C6orf58: variants seen among roughly 807,000 people sequenced by gnomAD.
The protein encoded by C6orf58 is protein LEG1 homolog.
C6orf58 carries 30 observed loss-of-function variants against 37.0 expected under a neutral mutation model. The ratio of observed to expected loss-of-function variants is 0.81; its 90% CI spans 0.61 to 1.10. The LOEUF is 1.10. Ranked by LOEUF, C6orf58 falls within the 50% of genes least tolerant of loss-of-function variation. C6orf58 has a pLI of 0.00. For synonymous variants in C6orf58, 143 were observed against 134.1 expected, an observed-to-expected ratio of 1.07 and a Z score of -0.46; for missense variants, 368 against 387.5, an observed-to-expected ratio of 0.95 and a Z score of 0.42.
In C6orf58 at chr6:127,577,330, A is replaced by G. The variant is rs548517988; in HGVS notation, c.145A>G (p.Met49Val). 6 of 1,613,606 alleles carry G rather than the reference A, an allele frequency of 3.7e-6. No individual in the cohort carries two copies. In the African/African-American group the frequency reaches 8.0e-5, roughly 22 times the overall value. Residue 49 changes from methionine (M) to valine (V), a missense_variant, in exon 1 of 6, where the codon ATG becomes GTG. Coordinates refer to ENST00000329722, the MANE Select transcript of C6orf58 (RefSeq NM_001010905.3). ...QLSDYRVENS[M>V]YIINPWVYLE... ...CAGTGACTACAGGGTGGAGAACAGCATGTACATTATTAATCCCTGGGTATA... is the reference window on the plus strand; with the variant it reads ...CAGTGACTACAGGGTGGAGAACAGCGTGTACATTATTAATCCCTGGGTATA...
At chr6:127,588,699 A>G (rs960059143) in intron 4 of C6orf58, among the ~76,000 whole-genome samples, 6 of 152,154 alleles carry the variant, frequency 3.9e-5, no homozygotes, top group Non-Finnish European at 8.8e-5. Flanking sequence ...ATGCATTTGA[A>G]GAGTTTATTA....
intron 2 of C6orf58, among the ~76,000 whole-genome samples, chr6:127,579,397 A>T (rs143182287): frequency 1.3e-5 from 2 of 152,238 alleles, no homozygotes; most frequent in Non-Finnish European, 2.9e-5. Context: ...GGCAACACAC[A>T]TCATATGTAT....
chr6:127,583,239 AT>A (rs1240905751), intron 4 of C6orf58, among the ~76,000 whole-genome samples: 1 of 152,190 alleles, frequency 6.6e-6, no homozygotes, highest in Non-Finnish European at 1.5e-5. Context: ...CACATGGAAT[AT>A]CAGTGAAATT....
In C6orf58 at chr6:127,578,746, G is replaced by T. The variant is rs946201573; in HGVS notation, c.362G>T (p.Cys121Phe). ...NCGYESGDHMCISVDSWWADL... is the reference protein window; with the variant it reads ...NCGYESGDHMFISVDSWWADL... ...GGCTATGAATCTGGAGATCATATGT[G>T]CATCTCTGTGGACAGTTGGTGGGCT... Residue 121 changes from cysteine (C) to phenylalanine (F), a missense_variant, in exon 2 of 6, where the codon TGC (cysteine) becomes TTC (phenylalanine). By Grantham distance (205) the Cys-to-Phe change is radical. Transcript: ENST00000329722. 2.5e-6 allele frequency: 4 copies of T among 1,612,490 alleles called. No individual in the cohort carries two copies. In the African/African-American group the frequency reaches 4.0e-5, roughly 16 times the overall value.
chr6:127,584,485 G>T (rs536051250), intron 4 of C6orf58, among the ~76,000 whole-genome samples: 54 of 152,218 alleles, frequency 3.5e-4, no homozygotes, highest in African/African-American at 1.3e-3. Context: ...ATTTAACATT[G>T]AATTTATATT....
chr6:127,584,433 C>A (rs910454401), intron 4 of C6orf58, among the ~76,000 whole-genome samples: 1 of 152,118 alleles, frequency 6.6e-6, no homozygotes, highest in Non-Finnish European at 1.5e-5. Context: ...TTTTAGGACC[C>A]AGGAAGGACT....
rs141247870 is a variant in C6orf58 at position 127,578,780 on chromosome 6, C to G, written c.388+8C>G. On this transcript the variant is annotated splice_region_variant and intron_variant, in intron 2 of 5. Transcript: ENST00000329722. Reference sequence around the variant, plus strand: ...TGGACAGTTGGTGGGCTGGTATGTTCGTTTAAGTGGCAAAATAGATATTAA... The same window carrying G: ...TGGACAGTTGGTGGGCTGGTATGTTGGTTTAAGTGGCAAAATAGATATTAA... The G allele has an allele frequency of 6.3e-6, 10 of 1,598,656 alleles. No individual in the cohort carries two copies. The South Asian group carries it at 1.1e-4, about 18-fold the overall frequency.
intron 4 of C6orf58, among the ~76,000 whole-genome samples, chr6:127,589,711 G>T (rs1322067747): frequency 6.6e-6 from 1 of 152,074 alleles, no homozygotes; most frequent in Non-Finnish European, 1.5e-5. Context: ...TTTCACAAAG[G>T]ATATTTGAGT....
Position 127,590,170 on chromosome 6 carries a change from C to T in C6orf58, c.758C>T (p.Pro253Leu). The change falls in exon 5 of 6, where the codon CCT (proline) becomes CTT (leucine). Residue 253 changes from proline to leucine, a missense_variant. Coordinates refer to ENST00000329722, the MANE Select transcript of C6orf58 (RefSeq NM_001010905.3). ...AVDHLAAVLF[P>L]TTLIRSYKFQ... ...GATCATTTAGCTGCAGTCCTCTTTC[C>T]TACAACCTTGATTAGATCATATAAG... 2 of 1,613,806 alleles carry T rather than the reference C, an allele frequency of 1.2e-6. No homozygotes were observed. Among genetic ancestry groups the T allele is most frequent in the South Asian group, 1.1e-5 (1 of 91,072 alleles).
intron 4 of C6orf58, among the ~76,000 whole-genome samples, chr6:127,586,815 C>G (rs1345311775): frequency 6.6e-6 from 1 of 152,188 alleles, no homozygotes; most frequent in South Asian, 2.1e-4. Context: ...TATCCTGTTT[C>G]CAAGGTGGTG....
Position 127,580,450 on chromosome 6 carries a change from G to C in C6orf58, c.573+1G>C, listed in dbSNP as rs752854743. ...GAACAAGTGGAACACCTTTTACCAG[G>C]TTCCTTCTTTATACTCTTACGAGAT... On this transcript the variant is annotated splice_donor_variant, in intron 3 of 5. Transcript: ENST00000329722. LOFTEE classifies it high-confidence loss of function. The C allele has an allele frequency of 6.2e-7, 1 of 1,608,780 alleles. No homozygotes were observed. Among genetic ancestry groups the C allele is most frequent in the South Asian group, 1.1e-5 (1 of 90,762 alleles).
intron 4 of C6orf58, among the ~76,000 whole-genome samples, chr6:127,586,766 G>A (rs934000218): frequency 5.3e-5 from 8 of 152,208 alleles, no homozygotes; most frequent in African/African-American, 1.7e-4. Context: ...AAGAAGCAAG[G>A]GGAGAGTGTC....
chr6:127,584,275 T>C (rs1177586521), intron 4 of C6orf58, among the ~76,000 whole-genome samples: 1 of 152,098 alleles, frequency 6.6e-6, no homozygotes, highest in Non-Finnish European at 1.5e-5. Flanking sequence ...TCACTTGAGG[T>C]TTTTATTGCC....
intron 5 of C6orf58, 26 bp from the exon 6 acceptor site, chr6:127,591,517 A>G (rs772939588): frequency 4.0e-6 from 6 of 1,505,590 alleles, no homozygotes; most frequent in South Asian, 1.4e-5. Context: ...AAGAGTTTAC[A>G]TGTAATCATT....
intron 2 of C6orf58, among the ~76,000 whole-genome samples, chr6:127,580,028 T>G (rs1775031110): frequency 6.6e-6 from 1 of 152,108 alleles, no homozygotes; most frequent in Admixed American, 6.6e-5. Context: ...TAAAATATAG[T>G]CAACTACTTT....
intron 4 of C6orf58, among the ~76,000 whole-genome samples, chr6:127,585,136 TAAAG>T (rs1368026332): frequency 6.6e-6 from 1 of 152,184 alleles, no homozygotes; most frequent in African/African-American, 2.4e-5. Context: ...AAATACAACT[TAAAG>T]AAGGTTTAAC....
intron 4 of C6orf58, among the ~76,000 whole-genome samples, chr6:127,583,936 T>C (rs1190526751): frequency 6.6e-6 from 1 of 152,198 alleles, no homozygotes; most frequent in Non-Finnish European, 1.5e-5. Flanking sequence ...TCTTTTCCTA[T>C]AGGAGTGGAT....
At chr6:127,583,562 C>T (rs1775072480) in intron 4 of C6orf58, among the ~76,000 whole-genome samples, 1 of 152,058 alleles carries the variant, frequency 6.6e-6, no homozygotes, top group Non-Finnish European at 1.5e-5. Context: ...GATGGGTGTA[C>T]AGTCCCAGGG....
At chr6:127,590,658 A>C (rs1055398866) in intron 5 of C6orf58, among the ~76,000 whole-genome samples, 8 of 151,816 alleles carry the variant, frequency 5.3e-5, no homozygotes, top group African/African-American at 1.9e-4. Flanking sequence ...AAAAAAAAAA[A>C]CTTTCTACTT....
Sources: allele counts gnomAD v4.1 joint callset (sites outside exome capture counted in the v4.1 genomes callset), GRCh38; gene constraint gnomAD v4.1.1; transcripts MANE v1.5; gene names NCBI Gene and HGNC (gene_info 2026-07-23, HGNC 2026-07-21).